Variants in ARFGEF3 observed in about 807,000 individuals in gnomAD.
The protein encoded by ARFGEF3 is ARFGEF family member 3, also known as brefeldin A-inhibited guanine nucleotide-exchange protein 3.
A neutral mutation model predicts 221.7 loss-of-function variants in ARFGEF3; 96 were observed. That is an observed-to-expected ratio of 0.43 (90% CI 0.37 to 0.51). The LOEUF (loss-of-function observed/expected upper bound fraction) is 0.51. Ranked by LOEUF, ARFGEF3 falls within the 20% of genes least tolerant of loss-of-function variation. The probability of loss-of-function intolerance (pLI) is 0.00; values close to 1 mark genes in which losing one functional copy is unlikely to be tolerated. For missense variants in ARFGEF3, 2,410 were observed against 2,789.9 expected (o/e 0.86, Z 3.07); for synonymous variants, 1,145 against 1,126.8 (o/e 1.02, Z -0.32).
rs750329267 is a variant in ARFGEF3 at position 138,285,971 on chromosome 6, C to T, written c.2487C>T (p.Ala829=). 1.0e-4 allele frequency: 165 copies of T among 1,611,378 alleles called. No homozygotes were observed. Among genetic ancestry groups the T allele is most frequent in the Non-Finnish European group, 1.3e-4 (155 of 1,179,248 alleles). The change falls in exon 15 of 34, where the codon GCC becomes GCT. Residue 829 remains alanine, a synonymous_variant. Coordinates refer to ENST00000251691, the MANE Select transcript of ARFGEF3 (RefSeq NM_020340.5). Reference sequence around the variant, plus strand: ...ATATTGACGGCTTAGAGAGCAGTGCCATTGGTGGCCAGCTGATGGCCTCGG... The same window carrying T: ...ATATTGACGGCTTAGAGAGCAGTGCTATTGGTGGCCAGCTGATGGCCTCGG... ...LTDIDGLESS[A]IGGQLMASAA...
intron 2 of ARFGEF3, among the ~76,000 whole-genome samples, chr6:138,195,994 T>TAA (rs61617065): frequency 1.4e-4 from 17 of 123,990 alleles, no homozygotes; most frequent in East Asian, 6.5e-4. Context: ...AGTGTCTTGG[T>TAA]AAAAAAAAAA....
At position 138,321,220 on chromosome 6, in the gene ARFGEF3, T is replaced by C. The variant is rs1474016385; in HGVS notation, c.4761T>C (p.Cys1587=). 25 of 1,516,816 alleles carry C rather than the reference T, an allele frequency of 1.6e-5. No homozygotes were observed. Among genetic ancestry groups the C allele is most frequent in the Non-Finnish European group, 2.2e-5 (25 of 1,119,860 alleles). 94.0% of individuals were successfully genotyped at this position (1,516,816 alleles called of 1,614,324 possible). A position where few individuals can be genotyped will look rare whatever the true frequency, so the allele number is the denominator to read the frequency against. The change falls in exon 29 of 34, where the codon TGT becomes TGC. Residue 1587 remains cysteine (C), a synonymous_variant. Coordinates refer to ENST00000251691, the MANE Select transcript of ARFGEF3 (RefSeq NM_020340.5). The stretch of plus-strand genomic sequence containing the variant: ...CCATCTCCAGAGTGGGCTGCTCCTG[T>C]ATTAGGTGAGGAAATGCTTTCCTGA... The part of the protein sequence containing the change: ...TETISRVGCS[C]IRYVLVTAGP...
intron 8 of ARFGEF3, among the ~76,000 whole-genome samples, chr6:138,248,070 A>C (rs1778517360): frequency 2.0e-5 from 3 of 152,240 alleles, no homozygotes. Context: ...CAATTCTAGC[A>C]CTGGGCATCT....
Position 138,245,519 on chromosome 6 carries a change from C to T in ARFGEF3, c.593C>T (p.Thr198Ile). The T allele has an allele frequency of 1.2e-6, 2 of 1,610,302 alleles. No individual in the cohort carries two copies. Among genetic ancestry groups the T allele is most frequent in the Non-Finnish European group, 1.7e-6 (2 of 1,178,168 alleles). The change falls in exon 8 of 34, where the codon ACA becomes ATA. Residue 198 changes from threonine to isoleucine, a missense_variant. By Grantham distance (89) the Thr-to-Ile change is moderately conservative (BLOSUM62 -1). Around this residue, in one of 5 missense-constraint regions of ARFGEF3, gnomAD observed 570 missense variants for 586.9 expected, o/e 0.97. Transcript: ENST00000251691. ...AACCTCCTCTGTTTTGAAGGGTCAA[C>T]AGTAGAGTCCCTCTGTGATGATGTT... Reference protein sequence around the residue: ...VPQDFGNQGSTVESLCDDVVS... With the variant: ...VPQDFGNQGSIVESLCDDVVS...
At position 138,334,870 on chromosome 6, in the gene ARFGEF3, T is replaced by C; in HGVS notation, c.6024T>C (p.Asn2008=). 1 of 1,590,022 alleles carries C rather than the reference T, an allele frequency of 6.3e-7. No individual in the cohort carries two copies. Among genetic ancestry groups the C allele is most frequent in the Non-Finnish European group, 8.6e-7 (1 of 1,169,374 alleles). ...GCCGGAAGAAGGAGTGGTGGGAGAA[T>C]GCGGGGAACAAAATCTACACCATGG... is the stretch of plus-strand genomic sequence containing the variant. The part of the protein sequence containing the change: ...DPSRKKEWWE[N]AGNKIYTMAA... Residue 2008 remains asparagine (N), a synonymous_variant, in exon 33 of 34, where the codon AAT becomes AAC. Coordinates refer to ENST00000251691, the MANE Select transcript of ARFGEF3 (RefSeq NM_020340.5). This position sits in a 1 kb window ranked among gnomAD's most constrained non-coding sequence, Gnocchi z 5.1.
chr6:138,229,692 A>C, intron 4 of ARFGEF3, 92 bp from the exon 5 acceptor site: 1 of 963,240 alleles, frequency 1.0e-6, no homozygotes, highest in Non-Finnish European at 1.6e-6. Context: ...AGGAATCATA[A>C]AAACAGGACT....
intron 5 of ARFGEF3, 112 bp downstream of exon 5, chr6:138,229,964 C>T: frequency 1.1e-6 from 1 of 875,574 alleles, no homozygotes; most frequent in Non-Finnish European, 1.9e-6. Context: ...TCTCTGATTA[C>T]TACCGTGGGG....
At chr6:138,215,184 T>C (rs1272835247) in intron 4 of ARFGEF3, among the ~76,000 whole-genome samples, 1 of 152,186 alleles carries the variant, frequency 6.6e-6, no homozygotes, top group Non-Finnish European at 1.5e-5. Context: ...TTCCCTTCTT[T>C]CTGATGGATA....
intron 25 of ARFGEF3, among the ~76,000 whole-genome samples, chr6:138,312,006 A>C (rs777875298): frequency 2.0e-5 from 3 of 152,082 alleles, no homozygotes; most frequent in Non-Finnish European, 4.4e-5. Context: ...TAATACAAAA[A>C]CTAGCTAGGC....
At chr6:138,323,923 C>A in intron 30 of ARFGEF3, 100 bp from the exon 31 acceptor site, 1 of 1,559,784 alleles carries the variant, frequency 6.4e-7, no homozygotes, top group South Asian at 1.2e-5. Flanking sequence ...GTTGCTGGGT[C>A]AGTACTTTTG....
chr6:138,180,867 G>A (rs1404874491), intron 2 of ARFGEF3, among the ~76,000 whole-genome samples: 1 of 152,220 alleles, frequency 6.6e-6, no homozygotes, highest in Admixed American at 6.5e-5. Context: ...ACATGGACTA[G>A]CGTTTAGCAG....
At position 138,262,732 on chromosome 6, in the gene ARFGEF3, A is replaced by C. The variant is rs775704478; in HGVS notation, c.1249A>C (p.Lys417Gln). The C allele has an allele frequency of 6.7e-5, 108 of 1,609,194 alleles. No individual in the cohort carries two copies. The highest frequency in any genetic ancestry group is 8.9e-5 in the Non-Finnish European group (105 of 1,176,004). Residue 417 changes from lysine to glutamine, a missense_variant, in exon 12 of 34, where the codon AAG (lysine) becomes CAG (glutamine). Transcript: ENST00000251691. ...IMDGMTEACI[K>Q]GGIEACYAAV... is the part of the protein sequence containing the mutation. ...GGATGGCATGACCGAAGCATGCATC[A>C]AGGGTGGCATCGAAGCTTGCTATGC...
At chr6:138,333,454 C>CT (rs1780260923) in intron 32 of ARFGEF3, among the ~76,000 whole-genome samples, 1 of 151,446 alleles carries the variant, frequency 6.6e-6, no homozygotes, top group African/African-American at 2.4e-5. Context: ...AATTTTTTTT[C>CT]TTTTTGAGAC....
At chr6:138,183,294 T>C (rs1777117504) in intron 2 of ARFGEF3, among the ~76,000 whole-genome samples, 2 of 152,116 alleles carry the variant, frequency 1.3e-5, no homozygotes, top group East Asian at 1.9e-4. Flanking sequence ...TTGCTGAAAA[T>C]GGGGAGGGTA....
chr6:138,237,191 C>T (rs1278637151), intron 5 of ARFGEF3, among the ~76,000 whole-genome samples: 1 of 152,114 alleles, frequency 6.6e-6, no homozygotes, highest in Non-Finnish European at 1.5e-5. Flanking sequence ...TAAGCAGAAG[C>T]AGCAACAAAG....
chr6:138,188,203 G>C (rs911288715), intron 2 of ARFGEF3, among the ~76,000 whole-genome samples: 1 of 152,094 alleles, frequency 6.6e-6, no homozygotes, highest in African/African-American at 2.4e-5. Context: ...TGGATGCAGG[G>C]CATTTACAAC....
chr6:138,211,900 C>G (rs1777734784), intron 4 of ARFGEF3, among the ~76,000 whole-genome samples: 2 of 152,154 alleles, frequency 1.3e-5, no homozygotes, highest in Non-Finnish European at 2.9e-5. Flanking sequence ...TGGAAAGCCT[C>G]TTAATGGACT....
At chr6:138,164,006 G>T (rs118170540) in intron 1 of ARFGEF3, among the ~76,000 whole-genome samples, 8 of 152,064 alleles carry the variant, frequency 5.3e-5, no homozygotes, top group African/African-American at 1.4e-4. Context: ...TCTTTCCGTC[G>T]CTTCTTTATT....
At chr6:138,166,639 A>T (rs1182490215) in intron 1 of ARFGEF3, among the ~76,000 whole-genome samples, 1 of 152,216 alleles carries the variant, frequency 6.6e-6, no homozygotes, top group Non-Finnish European at 1.5e-5. Context: ...GGCAGAAAGA[A>T]CTTCAGAAAC....
Sources: gnomAD v4.1 joint callset for allele counts (sites outside exome capture counted in the v4.1 genomes callset) on GRCh38, gnomAD v4.1.1 for gene constraint, gnomAD v4.1.1 regional missense constraint, Gnocchi (gnomAD v3.1) non-coding constraint, MANE v1.5 for transcripts, NCBI Gene and HGNC (gene_info 2026-07-23, HGNC 2026-07-21) for gene names.